PPP1R26: variants seen among roughly 807,000 people sequenced by gnomAD.
The protein encoded by PPP1R26 is protein phosphatase 1 regulatory subunit 26, also known as 1A6/DRIM (down-regulated in metastasis) interacting protein.
A neutral mutation model predicts 67.6 loss-of-function variants in PPP1R26; 22 were observed. The observed-to-expected ratio is 0.33, with a 90% CI of 0.23 to 0.46. PPP1R26 has a LOEUF of 0.46. PPP1R26 is among the 20% of genes least tolerant of loss of function. PPP1R26 has a pLI of 1.00. For synonymous variants in PPP1R26, 729 were observed against 717.2 expected (o/e 1.02, Z -0.26); for missense variants, 1,602 against 1,651.4 (o/e 0.97, Z 0.52).
rs1175754919 is a variant in PPP1R26 at position 135,483,883 on chromosome 9, G to A, written c.-195-67G>A. 7 of 398,258 alleles carry A rather than the reference G, an allele frequency of 1.8e-5. No homozygotes were observed. In the East Asian group the frequency reaches 2.5e-4, roughly 14 times the overall value. The allele number at this position is 398,258 out of a possible 1,614,324, so 24.7% of individuals were successfully genotyped here. A position where few individuals can be genotyped will look rare whatever the true frequency, so the allele number is the denominator to read the frequency against. Reference sequence around the variant, plus strand: ...TTAACATAGAGAGGGTTTAGTAAAAGCAGCCCTTCAAGATGTTTGGGGAAA... The same window carrying A: ...TTAACATAGAGAGGGTTTAGTAAAAACAGCCCTTCAAGATGTTTGGGGAAA... On this transcript the variant is annotated intron_variant, in intron 2 of 3. Transcript: ENST00000356818.
chr9:135,487,196 A>AG lies in PPP1R26; in HGVS notation c.2692dup (p.Val898GlyfsTer73). The AG allele has an allele frequency of 1.9e-6, 3 of 1,603,378 alleles. No individual in the cohort carries two copies. The highest frequency in any genetic ancestry group is 2.6e-6 in the Non-Finnish European group (3 of 1,176,244). ...CGTGTGCACACGCAGCCAGAGGGCC[A>AG]GGGGGGTCCCACATCTGGCCGAAGG... On this transcript the variant is annotated frameshift_variant, in exon 4 of 4. Transcript: ENST00000356818. LOFTEE classifies it high-confidence loss of function.
chr9:135,479,624 C>T (rs927692555), upstream of PPP1R26: 17 of 145,542 alleles, frequency 1.2e-4, no homozygotes, highest in Admixed American at 3.4e-4. The surrounding 1 kb of genome is among the most constrained non-coding windows in gnomAD (Gnocchi z 5.9). Context: ...GGCGGGGGTC[C>T]GGCCGGGCCG....
Position 135,479,812 on chromosome 9 carries a change from GGCGCGGGGCGGCGGCAGCGGCGGC to G in PPP1R26, c.-530_-507del, listed in dbSNP as rs1275674121. The G allele has an allele frequency of 1.4e-5, 2 of 144,920 alleles. No homozygotes were observed. Among genetic ancestry groups the G allele is most frequent in the Admixed American group, 1.4e-4 (2 of 14,690 alleles). 9.0% of individuals were successfully genotyped at this position (144,920 alleles called of 1,614,324 possible). On this transcript the variant is annotated 5_prime_UTR_variant, in exon 1 of 4. Coordinates refer to ENST00000356818, the MANE Select transcript of PPP1R26 (RefSeq NM_014811.5). This position sits in a 1 kb window ranked among gnomAD's most constrained non-coding sequence, Gnocchi z 5.9. ...CCCGCGCTTCCCACGGCGCGGCCCG[GGCGCGGGGCGGCGGCAGCGGCGGC>G]GCGCGGGGAGGCGGGGAGGCGGGGG...
chr9:135,484,159 G>A (rs1442752915), intron 3 of PPP1R26, 77 bp downstream of exon 3: 6 of 443,696 alleles, frequency 1.4e-5, no homozygotes, highest in African/African-American at 2.0e-5. Flanking sequence ...GGTGATGACC[G>A]TGCGTGCCCC....
At chr9:135,482,415 C>T (rs181199527) in intron 1 of PPP1R26, among the ~76,000 whole-genome samples, 41 of 152,316 alleles carry the variant, frequency 2.7e-4, no homozygotes, top group East Asian at 1.3e-3. Context: ...TAGCAGATAA[C>T]GTCACATACG....
Position 135,486,441 on chromosome 9 carries a change from G to A in PPP1R26, c.1931G>A (p.Ser644Asn), listed in dbSNP as rs751962485. The change falls in exon 4 of 4, where the codon AGT becomes AAT. Residue 644 changes from serine (S) to asparagine (N), a missense_variant. By Grantham distance (46) the Ser-to-Asn change is conservative. Around this residue, in one of 5 missense-constraint regions of PPP1R26, gnomAD observed 680 missense variants for 726.1 expected, o/e 0.94. Coordinates refer to ENST00000356818, the MANE Select transcript of PPP1R26 (RefSeq NM_014811.5). This position sits in a 1 kb window ranked among gnomAD's most constrained non-coding sequence, Gnocchi z 6.2. The part of the protein sequence containing the change: ...RRDLPIQGKA[S>N]EALGGEGTAR... ...GACCTGCCCATCCAGGGCAAAGCCA[G>A]TGAGGCCCTGGGAGGGGAGGGCACC... The A allele has an allele frequency of 6.8e-6, 11 of 1,613,134 alleles. No homozygotes were observed. The highest frequency in any genetic ancestry group is 5.0e-5 in the Admixed American group (3 of 59,964).
Position 135,486,589 on chromosome 9 carries a change from G to A in PPP1R26, c.2079G>A (p.Leu693=). 1 of 1,612,196 alleles carries A rather than the reference G, an allele frequency of 6.2e-7. No individual in the cohort carries two copies. Among genetic ancestry groups the A allele is most frequent in the Non-Finnish European group, 8.5e-7 (1 of 1,180,002 alleles). The part of the protein sequence containing the change: ...KSSSLDSDED[L]DTAIKDLLRS... ...GCTCCCTGGACAGTGACGAGGACCT[G>A]GACACAGCCATCAAGGACTTGTTAA... Residue 693 remains leucine, a synonymous_variant, in exon 4 of 4, where the codon CTG becomes CTA. Coordinates refer to ENST00000356818, the MANE Select transcript of PPP1R26 (RefSeq NM_014811.5). This position sits in a 1 kb window ranked among gnomAD's most constrained non-coding sequence, Gnocchi z 6.2.
At chr9:135,479,303 C>A (rs891758439), upstream of PPP1R26, among the ~76,000 whole-genome samples, 1 of 151,766 alleles carries the variant, frequency 6.6e-6, no homozygotes, top group Non-Finnish European at 1.5e-5. This position sits in a 1 kb window ranked among gnomAD's most constrained non-coding sequence, Gnocchi z 5.9. Context: ...GCGGGCCGGT[C>A]TCAGCCCGGA....
rs1157627598 is a variant in PPP1R26, at chr9:135,485,089, A to T, written c.579A>T (p.Gly193=). 6.2e-6 allele frequency: 10 copies of T among 1,611,868 alleles called. No individual in the cohort carries two copies. Among genetic ancestry groups the T allele is most frequent in the Non-Finnish European group, 7.6e-6 (9 of 1,179,526 alleles). Residue 193 remains glycine (G), a synonymous_variant, in exon 4 of 4, where the codon GGA becomes GGT. Transcript: ENST00000356818. This position sits in a 1 kb window ranked among gnomAD's most constrained non-coding sequence, Gnocchi z 7.2. ...TALCPPKLVP[G]SGGGPGSQVG... ...TGTGTCCCCCAAAACTTGTACCTGG[A>T]TCAGGTGGTGGCCCCGGCAGCCAGG...
Position 135,487,351 on chromosome 9 carries a change from C to A in PPP1R26, c.2841C>A (p.Ser947=). 1 of 1,554,468 alleles carries A rather than the reference C, an allele frequency of 6.4e-7. No individual in the cohort carries two copies. Among genetic ancestry groups the A allele is most frequent in the Non-Finnish European group, 8.7e-7 (1 of 1,152,182 alleles). The change falls in exon 4 of 4, where the codon TCC becomes TCA. Residue 947 remains serine (S), a synonymous_variant. Coordinates refer to ENST00000356818, the MANE Select transcript of PPP1R26 (RefSeq NM_014811.5). ...VPPRSTSGGV[S]AKGLSVSRRN... ...CCAGGAGCACCAGCGGCGGTGTCTC[C>A]GCCAAGGGGCTCTCAGTGAGCAGGA...
At position 135,485,703 on chromosome 9, in the gene PPP1R26, G is replaced by C; in HGVS notation, c.1193G>C (p.Arg398Thr). The C allele has an allele frequency of 6.2e-7, 1 of 1,610,518 alleles. No individual in the cohort carries two copies. Among genetic ancestry groups the C allele is most frequent in the Non-Finnish European group, 8.5e-7 (1 of 1,179,966 alleles). The change falls in exon 4 of 4, where the codon AGA becomes ACA. Residue 398 changes from arginine (R) to threonine (T), a missense_variant. Arg to Thr is a moderately conservative substitution (Grantham distance 71). Transcript: ENST00000356818. The surrounding 1 kb of genome is among the most constrained non-coding windows in gnomAD (Gnocchi z 7.2). ...LPQRVQLREE[R>T]APDPPAHSTS... ...CAGAGGGTCCAACTCCGAGAGGAGA[G>C]AGCGCCTGACCCTCCCGCACACAGC...
chr9:135,481,827 C>G (rs552209679), intron 1 of PPP1R26, among the ~76,000 whole-genome samples: 2 of 152,218 alleles, frequency 1.3e-5, no homozygotes, highest in African/African-American at 4.8e-5. Flanking sequence ...CCATATTGGC[C>G]AGGCTGGTCT....
intron 2 of PPP1R26, 60 bp downstream of exon 2, chr9:135,482,875 A>C (rs1830565756): frequency 2.5e-6 from 1 of 397,674 alleles, no homozygotes. Flanking sequence ...TGGTGCTAGC[A>C]AATGACTTAC....
rs1437295250 is a variant in PPP1R26 at position 135,488,430 on chromosome 9, A to G, written c.*290A>G. 2.0e-5 allele frequency: 6 copies of G among 298,086 alleles called. No individual in the cohort carries two copies. The highest frequency in any genetic ancestry group is 2.4e-5 in the Non-Finnish European group (4 of 166,358). 18.5% of individuals were successfully genotyped at this position (298,086 alleles called of 1,614,324 possible). A position where few individuals can be genotyped will look rare whatever the true frequency, so the allele number is the denominator to read the frequency against. ...AACTGCAGTTTTCTGTGTTCTGCATACAAGTCTTAGCTTAGGAAACATTTG... is the reference window on the plus strand; with the variant it reads ...AACTGCAGTTTTCTGTGTTCTGCATGCAAGTCTTAGCTTAGGAAACATTTG... On this transcript the variant is annotated 3_prime_UTR_variant, in exon 4 of 4. Transcript: ENST00000356818.
At chr9:135,482,126 G>A (rs1277105532) in intron 1 of PPP1R26, among the ~76,000 whole-genome samples, 1 of 152,184 alleles carries the variant, frequency 6.6e-6, no homozygotes, top group African/African-American at 2.4e-5. Flanking sequence ...TAGTATTTAA[G>A]GTAGTATTCT....
At chr9:135,480,988 T>A (rs954006643) in intron 1 of PPP1R26, among the ~76,000 whole-genome samples, 9 of 152,034 alleles carry the variant, frequency 5.9e-5, no homozygotes, top group Non-Finnish European at 1.3e-4. Flanking sequence ...GTGGGCAGAC[T>A]GTTAGGATGG....
In PPP1R26 at chr9:135,486,864, CCG is replaced by C. The variant is rs1293791765; in HGVS notation, c.2357_2358del (p.Ala786GlufsTer40). 1 of 1,611,476 alleles carries C rather than the reference CCG, an allele frequency of 6.2e-7. No individual in the cohort carries two copies. On this transcript the variant is annotated frameshift_variant, in exon 4 of 4. Transcript: ENST00000356818. LOFTEE classifies it high-confidence loss of function. The surrounding 1 kb of genome is among the most constrained non-coding windows in gnomAD (Gnocchi z 6.2). ...GCAGAGAGGATGAGGCAGGAGGGTG[CCG>C]CGAGCCAGGACGCGGCCCTGGCCTT... is the stretch of plus-strand genomic sequence containing the variant.
In PPP1R26 at chr9:135,488,049, A is replaced by T; in HGVS notation, c.3539A>T (p.Asp1180Val). ...LRYRRRVNRD[D>V]QEQDALGSDA... Reference sequence around the variant, plus strand: ...TATCGACGAAGGGTCAACAGGGATGACCAGGAGCAGGACGCCTTGGGCAGT... The same window carrying T: ...TATCGACGAAGGGTCAACAGGGATGTCCAGGAGCAGGACGCCTTGGGCAGT... The change falls in exon 4 of 4, where the codon GAC becomes GTC. Residue 1180 changes from aspartate (D) to valine (V), a missense_variant. Coordinates refer to ENST00000356818, the MANE Select transcript of PPP1R26 (RefSeq NM_014811.5). 6.2e-7 allele frequency: 1 copy of T among 1,604,500 alleles called. No homozygotes were observed. Among genetic ancestry groups the T allele is most frequent in the Non-Finnish European group, 8.5e-7 (1 of 1,176,404 alleles).
Position 135,484,446 on chromosome 9 carries a change from C to A in PPP1R26, c.-62-3C>A. 7.1e-7 allele frequency: 1 copy of A among 1,408,122 alleles called. No individual in the cohort carries two copies. Among genetic ancestry groups the A allele is most frequent in the Non-Finnish European group, 9.7e-7 (1 of 1,035,680 alleles). The allele number at this position is 1,408,122 out of a possible 1,614,324, so 87.2% of individuals were successfully genotyped here. Reference sequence around the variant, plus strand: ...CATGCCCATGTGCTTTCTTTCCGCCCAGGATGTGAAGCCGGTAGAGAAATA... The same window carrying A: ...CATGCCCATGTGCTTTCTTTCCGCCAAGGATGTGAAGCCGGTAGAGAAATA... On this transcript the variant is annotated splice_polypyrimidine_tract_variant and splice_region_variant and intron_variant, in intron 3 of 3. Coordinates refer to ENST00000356818, the MANE Select transcript of PPP1R26 (RefSeq NM_014811.5).
Sources: allele counts gnomAD v4.1 joint callset (sites outside exome capture counted in the v4.1 genomes callset), GRCh38; gene constraint gnomAD v4.1.1; regional missense constraint gnomAD v4.1.1; non-coding constraint Gnocchi (gnomAD v3.1); transcripts MANE v1.5; gene names NCBI Gene and HGNC (gene_info 2026-07-23, HGNC 2026-07-21).